The following NKAIN2 variants were observed in gnomAD, a reference collection of about 807,000 sequenced individuals.
The protein encoded by NKAIN2 is sodium/potassium transporting ATPase interacting 2, also known as sodium/potassium-transporting ATPase subunit beta-1-interacting protein 2.
Under a neutral mutation model 32.6 loss-of-function variants are expected in NKAIN2, and 14 were observed. The ratio of observed to expected loss-of-function variants is 0.43; its 90% CI spans 0.28 to 0.67. The LOEUF (loss-of-function observed/expected upper bound fraction) is 0.67. Among genes scored for constraint, NKAIN2 ranks in the 30% least tolerant of loss-of-function variants. The pLI is 0.17. For missense variants in NKAIN2, 198 were observed against 258.3 expected (o/e 0.77, Z 1.60); for synonymous variants, 80 against 87.2 (o/e 0.92, Z 0.46).
At chr6:123,823,553 G>T (rs971490464) in intron 1 of NKAIN2, among the ~76,000 whole-genome samples, 20 of 152,130 alleles carry the variant, frequency 1.3e-4, no homozygotes, top group Non-Finnish European at 2.8e-4. Context: ...AAAGGTGATG[G>T]AAATGTACCT....
At chr6:124,216,534 A>C (rs955229054) in intron 1 of NKAIN2, among the ~76,000 whole-genome samples, 1 of 152,106 alleles carries the variant, frequency 6.6e-6, no homozygotes, top group Admixed American at 6.6e-5. Flanking sequence ...AACTATATAC[A>C]AGTGTCTTTT....
At chr6:123,828,515 A>G (rs575999466) in intron 1 of NKAIN2, among the ~76,000 whole-genome samples, 20 of 152,328 alleles carry the variant, frequency 1.3e-4, no homozygotes, top group African/African-American at 4.1e-4. Context: ...CTAAAAGCCT[A>G]TTTAATATCA....
rs372211225 is a variant in NKAIN2, at chr6:124,328,491, A to G, written c.193-26776A>G. Reference sequence around the variant, plus strand: ...TTTGCTATAATCTGTAGTGATTTCCACACATGTATCAGCTACCCTGGGATA... The same window carrying G: ...TTTGCTATAATCTGTAGTGATTTCCGCACATGTATCAGCTACCCTGGGATA... On this transcript the variant is annotated intron_variant, in intron 2 of 6. Coordinates refer to ENST00000368417, the MANE Select transcript of NKAIN2 (RefSeq NM_001040214.3). 4.6e-5 allele frequency among the ~76,000 whole-genome samples: 7 copies of G among 152,262 alleles called. No individual in the cohort carries two copies. The East Asian group carries it at 1.4e-3, about 29-fold the overall frequency.
At chr6:124,402,581 TGTG>T (rs1773670856) in intron 3 of NKAIN2, among the ~76,000 whole-genome samples, 1 of 152,194 alleles carries the variant, frequency 6.6e-6, no homozygotes, top group Non-Finnish European at 1.5e-5. Context: ...ATAAAGAAAA[TGTG>T]GTACATGTGC....
At chr6:124,298,794 T>C (rs1038049187) in intron 2 of NKAIN2, among the ~76,000 whole-genome samples, 1 of 152,128 alleles carries the variant, frequency 6.6e-6, no homozygotes, top group African/African-American at 2.4e-5. Context: ...ATGCTATCAT[T>C]AAACCACTTT....
chr6:124,696,688 G>A (rs748972149), intron 4 of NKAIN2, among the ~76,000 whole-genome samples: 1 of 151,752 alleles, frequency 6.6e-6, no homozygotes, highest in Non-Finnish European at 1.5e-5. Flanking sequence ...ATGTTTAGGT[G>A]TCTTCTTGAG....
intron 4 of NKAIN2, among the ~76,000 whole-genome samples, chr6:124,699,797 G>T (rs1774683948): frequency 6.6e-6 from 1 of 152,180 alleles, no homozygotes; most frequent in East Asian, 1.9e-4. Context: ...AAATTACCCA[G>T]TTTCAGGTAT....
intron 4 of NKAIN2, among the ~76,000 whole-genome samples, chr6:124,727,562 A>G (rs2114651463): frequency 6.6e-6 from 1 of 152,132 alleles, no homozygotes; most frequent in African/African-American, 2.4e-5. Flanking sequence ...AGGAAGTGCT[A>G]AACATGGAAA....
intron 3 of NKAIN2, among the ~76,000 whole-genome samples, chr6:124,595,235 C>T (rs1467107805): frequency 1.3e-5 from 2 of 152,174 alleles, no homozygotes; most frequent in East Asian, 3.9e-4. Flanking sequence ...GCTCAGATGT[C>T]TTGCCTAGAT....
intron 1 of NKAIN2, among the ~76,000 whole-genome samples, chr6:124,036,571 T>C (rs1248908951): frequency 1.3e-5 from 2 of 152,132 alleles, no homozygotes; most frequent in African/African-American, 4.8e-5. Flanking sequence ...ACTTATCTTT[T>C]ATTGAGGGAA....
chr6:124,512,267 G>A (rs150976894), intron 3 of NKAIN2, among the ~76,000 whole-genome samples: 1 of 152,256 alleles, frequency 6.6e-6, no homozygotes, highest in Non-Finnish European at 1.5e-5. Flanking sequence ...ATGGGGTGAT[G>A]ATCTTCCTAT....
intron 2 of NKAIN2, among the ~76,000 whole-genome samples, chr6:124,341,651 T>C (rs563438329): frequency 2.6e-5 from 4 of 152,280 alleles, no homozygotes; most frequent in Non-Finnish European, 5.9e-5. Flanking sequence ...AAGGTAGAAA[T>C]CTGACTTCCT....
At chr6:124,653,554 C>T (rs979783443) in intron 3 of NKAIN2, among the ~76,000 whole-genome samples, 2 of 151,032 alleles carry the variant, frequency 1.3e-5, no homozygotes, top group Non-Finnish European at 2.9e-5. Flanking sequence ...TGTAAAACTC[C>T]TAGAAAATGA....
chr6:124,347,347 C>T (rs1208279580), intron 2 of NKAIN2, among the ~76,000 whole-genome samples: 1 of 151,350 alleles, frequency 6.6e-6, no homozygotes, highest in Non-Finnish European at 1.5e-5. Flanking sequence ...ATCTTTGTGG[C>T]GTTCTCTGTA....
intron 3 of NKAIN2, among the ~76,000 whole-genome samples, chr6:124,357,081 G>A (rs1051903131): frequency 1.1e-4 from 16 of 152,056 alleles, no homozygotes; most frequent in African/African-American, 3.9e-4. Context: ...CCACAGCAAG[G>A]GCACTAAGAA....
At chr6:124,435,403 C>T (rs193137325) in intron 3 of NKAIN2, among the ~76,000 whole-genome samples, 244 of 152,228 alleles carry the variant, frequency 1.6e-3, no homozygotes, top group South Asian at 4.4e-3. Context: ...GAGTATTCTC[C>T]GCAACCATCA....
At chr6:124,822,169 C>T (rs546232508) in intron 6 of NKAIN2, among the ~76,000 whole-genome samples, 1 of 152,198 alleles carries the variant, frequency 6.6e-6, no homozygotes, top group South Asian at 2.1e-4. Flanking sequence ...ACTTCATAGC[C>T]CACAAGACCA....
intron 2 of NKAIN2, among the ~76,000 whole-genome samples, chr6:124,348,181 CT>C (rs974956917): frequency 9.9e-5 from 15 of 152,126 alleles, no homozygotes; most frequent in African/African-American, 3.6e-4. Context: ...CTGCTGTCTG[CT>C]TGTTCCTCTG....
At chr6:124,675,744 A>G (rs2114487721) in intron 4 of NKAIN2, among the ~76,000 whole-genome samples, 1 of 151,594 alleles carries the variant, frequency 6.6e-6, no homozygotes, top group Non-Finnish European at 1.5e-5. Flanking sequence ...TTTTTATCCT[A>G]AGTGAATGTT....
Sources: allele counts gnomAD v4.1 joint callset (sites outside exome capture counted in the v4.1 genomes callset), GRCh38; gene constraint gnomAD v4.1.1; transcripts MANE v1.5; gene names NCBI Gene and HGNC (gene_info 2026-07-23, HGNC 2026-07-21).